The following MRPS31 variants were observed in gnomAD, a reference collection of about 807,000 sequenced individuals.
The protein encoded by MRPS31 is small ribosomal subunit protein mS31.
MRPS31 carries 32 observed loss-of-function variants against 43.1 expected under a neutral mutation model. That is an observed-to-expected ratio of 0.74 (90% CI 0.56 to 1.00). The LOEUF (loss-of-function observed/expected upper bound fraction) is 1.00. Ranked by LOEUF, MRPS31 falls within the 50% of genes least tolerant of loss-of-function variation. The pLI is 0.00. For synonymous variants in MRPS31, 165 were observed against 161.6 expected (o/e 1.02, Z -0.16); for missense variants, 437 against 466.7 (o/e 0.94, Z 0.59).
chr13:40,749,818 T>C (rs1880337192), intron 5 of MRPS31, among the ~76,000 whole-genome samples: 1 of 152,190 alleles, frequency 6.6e-6, no homozygotes, highest in Admixed American at 6.5e-5. Flanking sequence ...GTTGGCTAAT[T>C]ACCACTATCA....
intron 2 of MRPS31, among the ~76,000 whole-genome samples, chr13:40,762,536 T>C (rs1173506779): frequency 6.6e-6 from 1 of 151,616 alleles, no homozygotes; most frequent in East Asian, 1.9e-4. Context: ...TCAGCTCAAG[T>C]AATCCTCCTG....
chr13:40,736,059 G>A (rs866733803), intron 6 of MRPS31, among the ~76,000 whole-genome samples: 11 of 144,290 alleles, frequency 7.6e-5, no homozygotes, highest in African/African-American at 1.5e-4. Context: ...TGTATAACTA[G>A]AATAACCAAT....
intron 6 of MRPS31, among the ~76,000 whole-genome samples, chr13:40,738,145 G>A (rs1334014024): frequency 2.6e-5 from 4 of 152,192 alleles, no homozygotes; most frequent in East Asian, 1.9e-4. Context: ...TACCATCAGA[G>A]AATACTACAA....
At chr13:40,731,579 C>G (rs1018587433) in intron 6 of MRPS31, among the ~76,000 whole-genome samples, 37 of 136,616 alleles carry the variant, frequency 2.7e-4, no homozygotes, top group African/African-American at 1.0e-3. Flanking sequence ...GAGACTCTGT[C>G]CAAAAAAAAA....
At chr13:40,735,119 G>A (rs570244855) in intron 6 of MRPS31, among the ~76,000 whole-genome samples, 6 of 152,320 alleles carry the variant, frequency 3.9e-5, no homozygotes, top group East Asian at 3.9e-4. Context: ...TGCCTCACTC[G>A]GGAAGCGCAA....
At chr13:40,759,829 A>C (rs1245929683) in intron 2 of MRPS31, among the ~76,000 whole-genome samples, 2 of 152,232 alleles carry the variant, frequency 1.3e-5, no homozygotes, top group Admixed American at 6.5e-5. Context: ...CAGAAACTTT[A>C]CTGGAACCAA....
In MRPS31 at chr13:40,756,896, C is replaced by T. The variant is rs1880542844; in HGVS notation, c.717G>A (p.Glu239=). The change falls in exon 4 of 7, where the codon GAG becomes GAA. Residue 239 remains glutamate (E), a synonymous_variant. Transcript: ENST00000323563. ...ACCTTTTTTTAAGATCATCCGTCTT[C>T]TCCTGGCCAGGATAATTGTCATAGC... ...DEGYDNYPGQ[E]KTDDLKKRKN... The T allele has an allele frequency of 6.2e-7, 1 of 1,613,610 alleles. No homozygotes were observed. Among genetic ancestry groups the T allele is most frequent in the African/African-American group, 1.3e-5 (1 of 74,908 alleles).
rs529506011 is a variant in MRPS31, at chr13:40,741,258, CTTATA to C, written c.958+7875_958+7879del. Among the ~76,000 whole-genome samples the C allele has an allele frequency of 1.1e-4, 16 of 152,176 alleles. 1 individual carries two copies. The South Asian group carries it at 2.5e-3, about 24-fold the overall frequency. ...TTATATTATTACCTTTTATATTAAACTTATATTAAACTAAATGTTTACTATGATTT... is the reference window on the plus strand; with the variant it reads ...TTATATTATTACCTTTTATATTAAACTTAAACTAAATGTTTACTATGATTT... On this transcript the variant is annotated intron_variant, in intron 6 of 6. Transcript: ENST00000323563.
In MRPS31 at chr13:40,729,369, G is replaced by A. The variant is rs1305425549; in HGVS notation, c.*3C>T. ...ATTGTTTGAAATAAAAATTTCCATG[G>A]TCTTAATTGAACTGTATGTTACTTT... On this transcript the variant is annotated 3_prime_UTR_variant, in exon 7 of 7. Transcript: ENST00000323563. 3 of 1,391,618 alleles carry A rather than the reference G, an allele frequency of 2.2e-6. No homozygotes were observed. The highest frequency in any genetic ancestry group is 2.9e-5 in the African/African-American group (2 of 69,298). The allele number at this position is 1,391,618 out of a possible 1,614,324, so 86.2% of individuals were successfully genotyped here. A position where few individuals can be genotyped will look rare whatever the true frequency, so the allele number is the denominator to read the frequency against.
At chr13:40,755,587 G>T (rs950073940) in intron 4 of MRPS31, among the ~76,000 whole-genome samples, 3 of 152,142 alleles carry the variant, frequency 2.0e-5, no homozygotes, top group African/African-American at 7.2e-5. Flanking sequence ...GCAGGCCAGT[G>T]TGAACTGTCA....
At position 40,729,424 on chromosome 13, in the gene MRPS31, T is replaced by C. The variant is rs535639095; in HGVS notation, c.1136A>G (p.Tyr379Cys). 1.3e-6 allele frequency: 2 copies of C among 1,589,988 alleles called. No homozygotes were observed. The highest frequency in any genetic ancestry group is 2.2e-5 in the South Asian group (2 of 89,690). Residue 379 changes from tyrosine (Y) to cysteine (C), a missense_variant, in exon 7 of 7, where the codon TAT (tyrosine) becomes TGT (cysteine). Transcript: ENST00000323563. ...TAGAATATCCTTTTTTTCATTAAAA[T>C]AATTTCTAAACCACTCTATGTGTTC... ...KVEHIEWFRN[Y>C]FNEKKDILKE...
At chr13:40,746,783 A>G (rs1880250511) in intron 6 of MRPS31, among the ~76,000 whole-genome samples, 1 of 152,264 alleles carries the variant, frequency 6.6e-6, no homozygotes, top group African/African-American at 2.4e-5. Context: ...ATAAAATGTT[A>G]CAGTATACAA....
At position 40,729,147 on chromosome 13, in the gene MRPS31, A is replaced by G; in HGVS notation, c.*225T>C. ...AAAAGGTTAGGAGTTGTTGTCTTAA[A>G]TGTATTACTAATTCCCAGATATTCT... On this transcript the variant is annotated 3_prime_UTR_variant, in exon 7 of 7. Coordinates refer to ENST00000323563, the MANE Select transcript of MRPS31 (RefSeq NM_005830.4). 2.8e-6 allele frequency: 1 copy of G among 354,800 alleles called. No individual in the cohort carries two copies. The highest frequency in any genetic ancestry group is 5.1e-6 in the Non-Finnish European group (1 of 195,834). The allele number at this position is 354,800 out of a possible 1,614,324, so 22.0% of individuals were successfully genotyped here. A position where few individuals can be genotyped will look rare whatever the true frequency, so the allele number is the denominator to read the frequency against.
At chr13:40,739,435 A>AC (rs1484960306) in intron 6 of MRPS31, among the ~76,000 whole-genome samples, 12 of 152,076 alleles carry the variant, frequency 7.9e-5, no homozygotes, top group African/African-American at 1.2e-4. Flanking sequence ...TTGGAAAAAA[A>AC]TACTTTAAAG....
intron 6 of MRPS31, among the ~76,000 whole-genome samples, chr13:40,734,606 A>G (rs757716550): frequency 2.6e-5 from 4 of 152,168 alleles, no homozygotes; most frequent in Admixed American, 1.3e-4. Flanking sequence ...TCTTACCATT[A>G]AACAGTTTTC....
chr13:40,740,163 C>T (rs1346439724), intron 6 of MRPS31, among the ~76,000 whole-genome samples: 1 of 145,582 alleles, frequency 6.9e-6, no homozygotes, highest in Admixed American at 7.0e-5. Context: ...GACATTTATG[C>T]AGCCAAAAAA....
rs1038435806 is a variant in MRPS31, at chr13:40,738,012, A to G, written c.959-8411T>C. Among the ~76,000 whole-genome samples, 61 of 152,108 alleles carry G rather than the reference A, an allele frequency of 4.0e-4. 1 individual carries two copies. The highest frequency in any genetic ancestry group is 8.7e-4 in the Non-Finnish European group (59 of 67,874). On this transcript the variant is annotated intron_variant, in intron 6 of 6. Transcript: ENST00000323563. The stretch of plus-strand genomic sequence containing the variant: ...ATGAATCCAGGAGCTGGTTTTTTGA[A>G]AGGATCAACAAAATTGATAGACCAC...
Position 40,746,331 on chromosome 13 carries a change from A to G in MRPS31, c.958+2807T>C, listed in dbSNP as rs1190370973. ...GGTTACAATGCCAGTTTCTCAAAGT[A>G]CAAGTTTCTAAATGTGTACCCAGGG... On this transcript the variant is annotated intron_variant, in intron 6 of 6. Coordinates refer to ENST00000323563, the MANE Select transcript of MRPS31 (RefSeq NM_005830.4). Among the ~76,000 whole-genome samples the G allele has an allele frequency of 2.6e-5, 4 of 152,188 alleles. No individual in the cohort carries two copies. The East Asian group carries it at 7.7e-4, about 29-fold the overall frequency.
At chr13:40,767,344 A>AT (rs1880880945) in intron 1 of MRPS31, among the ~76,000 whole-genome samples, 1 of 152,206 alleles carries the variant, frequency 6.6e-6, no homozygotes, top group African/African-American at 2.4e-5. Flanking sequence ...TTTAGCAAAG[A>AT]TGGGGTTTCC....
Sources: gnomAD v4.1 joint callset for allele counts (sites outside exome capture counted in the v4.1 genomes callset) on GRCh38, gnomAD v4.1.1 for gene constraint, MANE v1.5 for transcripts, NCBI Gene and HGNC (gene_info 2026-07-23, HGNC 2026-07-21) for gene names.